NALF1: variants seen among roughly 807,000 people sequenced by gnomAD.
The protein encoded by NALF1 is family with sequence similarity 155 member A.
In NALF1, 3 loss-of-function variants were observed where a neutral mutation model predicts 48.4. The ratio of observed to expected loss-of-function variants is 0.06; its 90% CI spans 0.03 to 0.16. The LOEUF (loss-of-function observed/expected upper bound fraction) is 0.16, where lower values mean the gene tolerates loss of function less well. Among genes scored for constraint, NALF1 ranks in the 10% least tolerant of loss-of-function variants. The pLI is 1.00. For missense variants in NALF1, 526 were observed against 571.5 expected (o/e 0.92, Z 0.81); for synonymous variants, 262 against 245.7 (o/e 1.07, Z -0.62).
intron 1 of NALF1, among the ~76,000 whole-genome samples, chr13:107,406,953 A>G (rs965298089): frequency 6.6e-6 from 1 of 152,062 alleles, no homozygotes; most frequent in African/African-American, 2.4e-5. Flanking sequence ...GTGAACACAG[A>G]TAAATCCACA....
chr13:107,713,704 A>G (rs1182178432), intron 1 of NALF1, among the ~76,000 whole-genome samples: 2 of 152,226 alleles, frequency 1.3e-5, no homozygotes, highest in Non-Finnish European at 2.9e-5. Context: ...CAAAAGAATG[A>G]TAAAATGGAG....
intron 1 of NALF1, among the ~76,000 whole-genome samples, chr13:107,663,092 T>G (rs532991410): frequency 6.6e-6 from 1 of 152,330 alleles, no homozygotes; most frequent in African/African-American, 2.4e-5. Context: ...TTGAGTAATT[T>G]CTTTTCATTG....
At chr13:107,294,359 T>C (rs1268278003) in intron 1 of NALF1, among the ~76,000 whole-genome samples, 1 of 152,220 alleles carries the variant, frequency 6.6e-6, no homozygotes, top group Non-Finnish European at 1.5e-5. Flanking sequence ...AATCTTAGGT[T>C]AGATAACTCG....
At chr13:107,174,359 ATTTATTTTTT>A (rs1474264527) in intron 2 of NALF1, among the ~76,000 whole-genome samples, 8 of 141,282 alleles carry the variant, frequency 5.7e-5, no homozygotes, top group East Asian at 2.0e-4. Context: ...TTATTTATTT[ATTTATTTTTT>A]TTTTTGAGAC....
intron 2 of NALF1, among the ~76,000 whole-genome samples, chr13:107,175,491 T>A (rs1878908576): frequency 1.3e-5 from 2 of 152,190 alleles, no homozygotes; most frequent in South Asian, 4.1e-4. Flanking sequence ...TTGATTATTG[T>A]CTCCTTACCT....
intron 2 of NALF1, among the ~76,000 whole-genome samples, chr13:107,192,042 TGAGA>T (rs141271663): frequency 6.7e-6 from 1 of 149,104 alleles, no homozygotes; most frequent in African/African-American, 2.5e-5. Context: ...TGACCGATGA[TGAGA>T]GAGAGAGAGA....
At chr13:107,485,862 G>A (rs1885321370) in intron 1 of NALF1, among the ~76,000 whole-genome samples, 1 of 152,180 alleles carries the variant, frequency 6.6e-6, no homozygotes, top group Admixed American at 6.6e-5. Context: ...GGGTATAGAG[G>A]ATGGCTTTGC....
At chr13:107,744,542 G>C (rs1005342673) in intron 1 of NALF1, among the ~76,000 whole-genome samples, 2 of 152,156 alleles carry the variant, frequency 1.3e-5, no homozygotes, top group Non-Finnish European at 2.9e-5. Flanking sequence ...AAGACAGATA[G>C]GTGCAGCCCT....
chr13:107,531,819 T>C (rs1372578579), intron 1 of NALF1, among the ~76,000 whole-genome samples: 1 of 152,146 alleles, frequency 6.6e-6, no homozygotes. Context: ...GTGTTAGATA[T>C]GCCAAAGTTT....
chr13:107,312,249 A>G (rs1228938203), intron 1 of NALF1, among the ~76,000 whole-genome samples: 1 of 152,224 alleles, frequency 6.6e-6, no homozygotes, highest in African/African-American at 2.4e-5. Flanking sequence ...GCCATAAAAA[A>G]TGATGATTTC....
At chr13:107,652,393 A>G (rs1452530862) in intron 1 of NALF1, among the ~76,000 whole-genome samples, 1 of 152,212 alleles carries the variant, frequency 6.6e-6, no homozygotes, top group African/African-American at 2.4e-5. Context: ...AAAGTTGAAG[A>G]TAACTAAATA....
chr13:107,867,021 G>T lies in NALF1; in HGVS notation c.-425C>A, dbSNP rs888615987. ...GCGCGGCTCCGGTCACCCAGGCATT[G>T]TCAGCGCGCGGGTCCCCATGGCCCC... On this transcript the variant is annotated 5_prime_UTR_variant, in exon 1 of 3. Coordinates refer to ENST00000375915, the MANE Select transcript of NALF1 (RefSeq NM_001080396.3). The surrounding 1 kb of genome is among the most constrained non-coding windows in gnomAD (Gnocchi z 4.4). Among the ~76,000 whole-genome samples the T allele has an allele frequency of 2.6e-5, 4 of 151,826 alleles. No homozygotes were observed. The highest frequency in any genetic ancestry group is 7.3e-5 in the African/African-American group (3 of 41,372).
chr13:107,283,552 T>C (rs1881429961), intron 1 of NALF1, among the ~76,000 whole-genome samples: 2 of 152,178 alleles, frequency 1.3e-5, no homozygotes, highest in Non-Finnish European at 1.5e-5. Flanking sequence ...GTTTTGAAGA[T>C]GGCATCCCGT....
chr13:107,553,101 G>A (rs1477356224), intron 1 of NALF1, among the ~76,000 whole-genome samples: 1 of 151,908 alleles, frequency 6.6e-6, no homozygotes, highest in East Asian at 1.9e-4. Context: ...TAAATGAAAA[G>A]CAACACAGGC....
intron 1 of NALF1, among the ~76,000 whole-genome samples, chr13:107,805,708 C>T (rs986777385): frequency 6.6e-6 from 1 of 152,126 alleles, no homozygotes; most frequent in African/African-American, 2.4e-5. Flanking sequence ...CTTCAATTAG[C>T]GATCACAGGA....
chr13:107,194,819 C>G (rs568621851), intron 2 of NALF1, among the ~76,000 whole-genome samples: 1 of 152,280 alleles, frequency 6.6e-6, no homozygotes, highest in Admixed American at 6.5e-5. Context: ...TTCTATACAT[C>G]TGACAAAGGA....
chr13:107,732,473 A>T (rs1259922521), intron 1 of NALF1, among the ~76,000 whole-genome samples: 1 of 152,134 alleles, frequency 6.6e-6, no homozygotes, highest in Non-Finnish European at 1.5e-5. Flanking sequence ...TAGTCTAAGG[A>T]CAGCCATGCT....
At chr13:107,351,161 ATCTG>A (rs1882865085) in intron 1 of NALF1, among the ~76,000 whole-genome samples, 1 of 152,204 alleles carries the variant, frequency 6.6e-6, no homozygotes, top group South Asian at 2.1e-4. Context: ...AGTTCTAGAG[ATCTG>A]TTATGCAATA....
At chr13:107,668,415 T>C (rs1880912256) in intron 1 of NALF1, among the ~76,000 whole-genome samples, 1 of 151,922 alleles carries the variant, frequency 6.6e-6, no homozygotes, top group Non-Finnish European at 1.5e-5. Context: ...TCCGAAGAGC[T>C]GGTGGTGCCT....
Sources: gnomAD v4.1 joint callset for allele counts (sites outside exome capture counted in the v4.1 genomes callset) on GRCh38, gnomAD v4.1.1 for gene constraint, Gnocchi (gnomAD v3.1) non-coding constraint, MANE v1.5 for transcripts, NCBI Gene and HGNC (gene_info 2026-07-23, HGNC 2026-07-21) for gene names.